ABCB7: variants seen among roughly 807,000 people sequenced by gnomAD.
The protein encoded by ABCB7 is ATP binding cassette subfamily B member 7, also known as iron-sulfur clusters transporter ABCB7, mitochondrial.
In ABCB7, 7 loss-of-function variants were observed where a neutral mutation model predicts 54.4. That is an observed-to-expected ratio of 0.13 (90% CI 0.07 to 0.24). ABCB7 has a LOEUF of 0.24. Among genes scored for constraint, ABCB7 ranks in the 10% least tolerant of loss-of-function variants. The pLI is 1.00. For missense variants in ABCB7, 356 were observed against 570.4 expected (o/e 0.62, Z 3.83); for synonymous variants, 218 against 207.1 (o/e 1.05, Z -0.45).
intron 4 of ABCB7, among the ~76,000 whole-genome samples, chrX:75,098,629 A>G (rs748791451): frequency 1.1e-4 from 12 of 111,225 alleles, no homozygotes; most frequent in Non-Finnish European, 2.3e-4. Flanking sequence ...AATATGTATT[A>G]TTTCGGAGCC....
intron 4 of ABCB7, among the ~76,000 whole-genome samples, chrX:75,090,594 CA>C (rs1002517028): frequency 2.8e-5 from 3 of 106,015 alleles, no homozygotes; most frequent in Non-Finnish European, 3.9e-5. Context: ...AAAAAAAGCG[CA>C]AAAAAAGTGC....
At chrX:75,139,685 C>T (rs2082040234) in intron 1 of ABCB7, among the ~76,000 whole-genome samples, 1 of 112,119 alleles carries the variant, frequency 8.9e-6, no homozygotes, top group Admixed American at 9.5e-5. Context: ...TTTATATCTG[C>T]CATGCCAAAC....
chrX:75,066,833 T>C (rs2081322889), intron 12 of ABCB7, among the ~76,000 whole-genome samples: 1 of 111,609 alleles, frequency 9.0e-6, no homozygotes, highest in Non-Finnish European at 1.9e-5. Context: ...TAATACTTTG[T>C]ATTTGCATAT....
chrX:75,110,423 T>G (rs971255057), intron 3 of ABCB7, among the ~76,000 whole-genome samples: 3 of 111,774 alleles, frequency 2.7e-5, no homozygotes, highest in African/African-American at 9.7e-5. Context: ...CTTCCAATTT[T>G]TAATCCTCCA....
At chrX:75,111,354 A>G (rs2081759045) in intron 3 of ABCB7, among the ~76,000 whole-genome samples, 1 of 112,301 alleles carries the variant, frequency 8.9e-6, no homozygotes, top group Admixed American at 9.4e-5. Flanking sequence ...CATTATAACA[A>G]CAGCAGCTAA....
At chrX:75,111,748 T>C (rs908929441) in intron 3 of ABCB7, among the ~76,000 whole-genome samples, 37 of 112,557 alleles carry the variant, frequency 3.3e-4, no homozygotes, top group Admixed American at 2.9e-3. Flanking sequence ...TTTATTTTAC[T>C]GGAGCAGAAA....
intron 3 of ABCB7, among the ~76,000 whole-genome samples, 169 bp from the exon 4 acceptor site, chrX:75,099,230 A>C (rs965806116): frequency 8.9e-6 from 1 of 112,005 alleles, no homozygotes; most frequent in African/African-American, 3.2e-5. Context: ...TTTTAGAGAA[A>C]AATTATTTCA....
At chrX:75,119,525 T>C (rs1022663209) in intron 1 of ABCB7, among the ~76,000 whole-genome samples, 1 of 112,346 alleles carries the variant, frequency 8.9e-6, no homozygotes. Flanking sequence ...GAATCTTACC[T>C]TATGGTCAAA....
rs191074590 is a variant in ABCB7, at chrX:75,110,907, G to A, written c.333+1979C>T. On this transcript the variant is annotated intron_variant, in intron 3 of 15. Coordinates refer to ENST00000373394, the MANE Select transcript of ABCB7 (RefSeq NM_001271696.3). ...AATGGATGATTTAAATAAATTCCAA[G>A]CAGCATTATTAATACTGATTGTTAG... 1.2e-3 allele frequency among the ~76,000 whole-genome samples: 132 copies of A among 111,644 alleles called. 1 individual carries two copies. Among genetic ancestry groups the A allele is most frequent in the Middle Eastern group, 9.3e-3 (2 of 216 alleles).
At chrX:75,115,383 CCTTT>C (rs1249617320) in intron 1 of ABCB7, among the ~76,000 whole-genome samples, 2 of 99,123 alleles carry the variant, frequency 2.0e-5, no homozygotes, top group Non-Finnish European at 4.0e-5. Flanking sequence ...CTTTTCATCC[CCTTT>C]CTTTCTGGTT....
chrX:75,146,810 T>C (rs1410980135), intron 1 of ABCB7, among the ~76,000 whole-genome samples: 2 of 111,217 alleles, frequency 1.8e-5, no homozygotes, highest in Admixed American at 1.9e-4. Flanking sequence ...AAAGTAAAAA[T>C]TGACAAATGA....
At chrX:75,128,162 A>C (rs5981772) in intron 1 of ABCB7, among the ~76,000 whole-genome samples, 3,179 of 111,444 alleles carry the variant, frequency 0.029, 115 homozygotes, top group African/African-American at 0.099. Context: ...AGAAAAAGAA[A>C]AAAGCTGGAG....
chrX:75,122,417 C>T (rs1245929461), intron 1 of ABCB7, among the ~76,000 whole-genome samples: 3 of 93,898 alleles, frequency 3.2e-5, no homozygotes, highest in African/African-American at 8.4e-5. Context: ...TAAAAATGGG[C>T]GAGCAGCAGC....
intron 6 of ABCB7, 117 bp from the exon 7 acceptor site, chrX:75,074,073 A>T (rs2081387316): frequency 1.7e-6 from 1 of 593,003 alleles, no homozygotes; most frequent in Non-Finnish European, 2.8e-6. Context: ...GGTGGCGTGA[A>T]GTTATGTACG....
At chrX:75,136,070 T>C (rs1365988167) in intron 1 of ABCB7, among the ~76,000 whole-genome samples, 1 of 110,504 alleles carries the variant, frequency 9.0e-6, no homozygotes, top group Non-Finnish European at 1.9e-5. Context: ...GATACTATCA[T>C]ATCATCTAGA....
chrX:75,106,143 A>G (rs763006019), intron 3 of ABCB7, among the ~76,000 whole-genome samples: 1 of 111,898 alleles, frequency 8.9e-6, no homozygotes, highest in East Asian at 2.8e-4. Flanking sequence ...CTATACAGCA[A>G]AATAAATAAT....
chrX:75,069,435 G>A lies in ABCB7; in HGVS notation c.1385C>T (p.Pro462Leu). ...TQIKDKVMAS[P>L]LQITPQTATV... ...AGCTGTCTGTGGTGTGATCTGAAGGGGAGATGCCATCACTTTGTCCTAGCA... is the reference window on the plus strand; with the variant it reads ...AGCTGTCTGTGGTGTGATCTGAAGGAGAGATGCCATCACTTTGTCCTAGCA... The change falls in exon 11 of 16, where the codon CCC becomes CTC. Residue 462 changes from proline to leucine, a missense_variant. Physicochemically the swap from Pro to Leu is moderately conservative, Grantham distance 98. Transcript: ENST00000373394. 1 of 1,210,595 alleles carries A rather than the reference G, an allele frequency of 8.3e-7. No homozygotes were observed. Among genetic ancestry groups the A allele is most frequent in the South Asian group, 1.8e-5 (1 of 56,892 alleles).
chrX:75,075,688 T>C (rs2081402840), intron 5 of ABCB7, 58 bp from the exon 6 acceptor site: 10 of 1,089,345 alleles, frequency 9.2e-6, no homozygotes, highest in Admixed American at 2.4e-5. Flanking sequence ...CAAAGGAGTA[T>C]AGAAATGACA....
intron 3 of ABCB7, among the ~76,000 whole-genome samples, chrX:75,104,047 G>GGTTTTTTTT (rs2081663416): frequency 7.4e-5 from 1 of 13,443 alleles, no homozygotes; most frequent in African/African-American, 1.6e-4. Flanking sequence ...TCTTGTTACA[G>GGTTTTTTTT]TTTTTTTTTT....
Sources: gnomAD v4.1 joint callset for allele counts (sites outside exome capture counted in the v4.1 genomes callset) on GRCh38, gnomAD v4.1.1 for gene constraint, MANE v1.5 for transcripts, NCBI Gene and HGNC (gene_info 2026-07-23, HGNC 2026-07-21) for gene names.